Variants in DNAH12 observed in about 807,000 individuals in gnomAD.
The protein encoded by DNAH12 is axonemal beta dynein heavy chain 12.
DNAH12 carries 285 observed loss-of-function variants against 371.5 expected under a neutral mutation model. That is an observed-to-expected ratio of 0.77 (90% CI 0.70 to 0.85). DNAH12 has a LOEUF of 0.85. DNAH12 is among the 40% of genes least tolerant of loss of function. DNAH12 has a pLI of 0.00. For missense variants in DNAH12, 3,611 were observed against 3,689.4 expected (o/e 0.98, Z 0.55); for synonymous variants, 1,200 against 1,213.0 (o/e 0.99, Z 0.22).
At chr3:57,519,504 GA>G in intron 4 of DNAH12, among the ~76,000 whole-genome samples, 1 of 152,210 alleles carries the variant, frequency 6.6e-6, no homozygotes, top group Middle Eastern at 3.4e-3. Context: ...AAATAAAACT[GA>G]CAAAATGCTA....
rs1250890469 is a variant in DNAH12, at chr3:57,428,713, G to C, written c.5173C>G (p.Pro1725Ala). Reference protein sequence around the residue: ...LNSLKGPLCEPEYQALLRGLF... With the variant: ...LNSLKGPLCEAEYQALLRGLF... ...CCTCTCAGAAGAGCTTGATATTCTG[G>C]TTCACACAGAGGTCCTTTCAGTGAA... The change falls in exon 34 of 74, where the codon CCA becomes GCA. Residue 1725 changes from proline to alanine, a missense_variant. Physicochemically the swap from Pro to Ala is conservative, Grantham distance 27 (BLOSUM62 -1). This residue lies in a region of DNAH12 where 2,266 missense variants were observed against 2,236.9 expected (regional missense o/e 1.01). Coordinates refer to ENST00000495027, the MANE Select transcript of DNAH12 (RefSeq NM_001366028.2). The C allele has an allele frequency of 6.4e-7, 1 of 1,551,524 alleles. No homozygotes were observed. The highest frequency in any genetic ancestry group is 2.4e-5 in the East Asian group (1 of 40,908).
chr3:57,330,244 C>T (rs1227254420), intron 62 of DNAH12, among the ~76,000 whole-genome samples: 3 of 150,898 alleles, frequency 2.0e-5, no homozygotes, highest in South Asian at 2.1e-4. Flanking sequence ...AATCATGCTG[C>T]TATAAAGACA....
chr3:57,373,075 G>C (rs1309738348), intron 55 of DNAH12, among the ~76,000 whole-genome samples: 2 of 152,110 alleles, frequency 1.3e-5, no homozygotes, highest in Non-Finnish European at 2.9e-5. Flanking sequence ...AATGCAAAAA[G>C]AAGGAAGCAA....
At chr3:57,516,401 C>T (rs935286387) in intron 4 of DNAH12, among the ~76,000 whole-genome samples, 9 of 152,080 alleles carry the variant, frequency 5.9e-5, no homozygotes, top group Admixed American at 2.0e-4. Context: ...GTGATAGTCC[C>T]CAGTCCCTCA....
At chr3:57,420,632 G>A (rs1404521153) in intron 36 of DNAH12, among the ~76,000 whole-genome samples, 2 of 140,082 alleles carry the variant, frequency 1.4e-5, no homozygotes, top group African/African-American at 2.8e-5. Flanking sequence ...CTTGTGGGCC[G>A]GGCGCAGTGG....
At chr3:57,361,143 A>T (rs2062918374) in intron 58 of DNAH12, among the ~76,000 whole-genome samples, 1 of 151,908 alleles carries the variant, frequency 6.6e-6, no homozygotes, top group African/African-American at 2.4e-5. Flanking sequence ...TGAGATCAGG[A>T]GTTCAAGACC....
intron 36 of DNAH12, 129 bp downstream of exon 36, chr3:57,421,389 C>G (rs932618997): frequency 2.5e-5 from 19 of 749,222 alleles, no homozygotes; most frequent in Non-Finnish European, 4.1e-6. Flanking sequence ...GGAGGTGAAA[C>G]TAAAAGAAGG....
In DNAH12 at chr3:57,309,239, C is replaced by T. The variant is rs767037368; in HGVS notation, c.11101G>A (p.Asp3701Asn). 28 of 1,548,356 alleles carry T rather than the reference C, an allele frequency of 1.8e-5. No individual in the cohort carries two copies. Among genetic ancestry groups the T allele is most frequent in the East Asian group, 2.4e-5 (1 of 40,832 alleles). ...TACTTCCGTAGTGCCATTTCAATGTCGAAATCACTAGGGAGCTAAAAGAAT... is the reference window on the plus strand; with the variant it reads ...TACTTCCGTAGTGCCATTTCAATGTTGAAATCACTAGGGAGCTAAAAGAAT... ...DILNKLPSDF[D>N]IEMALRKYPV... Residue 3701 changes from aspartate (D) to asparagine (N), a missense_variant, in exon 69 of 74, where the codon GAC becomes AAC. By Grantham distance (23) the Asp-to-Asn change is conservative. This residue lies in a region of DNAH12 where 2,266 missense variants were observed against 2,236.9 expected (regional missense o/e 1.01). Transcript: ENST00000495027.
intron 25 of DNAH12, among the ~76,000 whole-genome samples, chr3:57,448,964 TC>T (rs1430898905): frequency 4.6e-5 from 5 of 108,236 alleles, no homozygotes; most frequent in Non-Finnish European, 5.7e-5. Context: ...ACATAAAGGT[TC>T]TCCAAGGCCC....
rs552873320 is a variant in DNAH12 at position 57,462,809 on chromosome 3, A to G, written c.2416T>C (p.Ser806Pro). The change falls in exon 18 of 74, where the codon TCA becomes CCA. Residue 806 changes from serine to proline, a missense_variant. Transcript: ENST00000495027. ...GMRARHWKQISEIVGYDLTPD... is the reference protein window; with the variant it reads ...GMRARHWKQIPEIVGYDLTPD... The stretch of plus-strand genomic sequence containing the variant: ...GTCAAGTCATAGCCTACAATTTCTG[A>G]TATCTGTTTCCAGTGACGAGCTCTC... 3.2e-6 allele frequency: 5 copies of G among 1,551,382 alleles called. No homozygotes were observed. Among genetic ancestry groups the G allele is most frequent in the East Asian group, 2.4e-5 (1 of 40,906 alleles).
At chr3:57,385,952 T>C (rs1404074432) in intron 47 of DNAH12, among the ~76,000 whole-genome samples, 1 of 152,050 alleles carries the variant, frequency 6.6e-6, no homozygotes, top group Non-Finnish European at 1.5e-5. Flanking sequence ...ATGGAAGAAA[T>C]GTAGATTGAA....
intron 69 of DNAH12, among the ~76,000 whole-genome samples, chr3:57,305,381 T>C (rs917400095): frequency 2.6e-5 from 4 of 151,954 alleles, no homozygotes; most frequent in Non-Finnish European, 5.9e-5. Flanking sequence ...AGGTCCCAAT[T>C]CTTCCTCAGC....
chr3:57,429,807 T>A (rs2064900861), intron 32 of DNAH12, 33 bp from the exon 33 acceptor site: 4 of 1,485,078 alleles, frequency 2.7e-6, no homozygotes, highest in Non-Finnish European at 3.6e-6. Flanking sequence ...TGTTTATTTT[T>A]TAAAATTTCA....
chr3:57,390,424 A>AAAAAAAAAAAAAAAAAAATATATATAT, intron 45 of DNAH12, among the ~76,000 whole-genome samples: 4 of 33,440 alleles, frequency 1.2e-4, no homozygotes, highest in Non-Finnish European at 2.8e-4. Context: ...AAAAAAAAAA[A>AAAAAAAAAAAAAAAAAAATATATATAT]ATATATATAT....
At chr3:57,463,053 A>G (rs1235717730) in intron 17 of DNAH12, among the ~76,000 whole-genome samples, 178 bp from the exon 18 acceptor site, 1 of 152,132 alleles carries the variant, frequency 6.6e-6, no homozygotes, top group East Asian at 1.9e-4. Context: ...AAGAAAATGA[A>G]CCTAAAGTTC....
intron 55 of DNAH12, among the ~76,000 whole-genome samples, chr3:57,371,173 ACAC>A: frequency 6.6e-6 from 1 of 152,320 alleles, no homozygotes; most frequent in South Asian, 2.1e-4. Context: ...AAGGCAACAC[ACAC>A]ACTGCAGCTG....
At chr3:57,472,421 C>G (rs1417297434) in intron 14 of DNAH12, 125 bp downstream of exon 14, 3 of 1,247,254 alleles carry the variant, frequency 2.4e-6, no homozygotes, top group Non-Finnish European at 1.1e-6. Context: ...TGTGGCCAGT[C>G]TCAAACTCAT....
chr3:57,469,278 A>G (rs753356390), intron 16 of DNAH12, among the ~76,000 whole-genome samples: 1 of 152,228 alleles, frequency 6.6e-6, no homozygotes, highest in Non-Finnish European at 1.5e-5. Context: ...ATGAGAGACC[A>G]TCTCCCATCA....
intron 25 of DNAH12, 90 bp downstream of exon 25, chr3:57,452,753 C>T (rs1302712436): frequency 8.4e-7 from 1 of 1,195,718 alleles, no homozygotes; most frequent in African/African-American, 1.6e-5. Context: ...TAATTGTATT[C>T]AACTACTCCA....
Sources: gnomAD v4.1 joint callset for allele counts (sites outside exome capture counted in the v4.1 genomes callset) on GRCh38, gnomAD v4.1.1 for gene constraint, gnomAD v4.1.1 regional missense constraint, MANE v1.5 for transcripts, NCBI Gene and HGNC (gene_info 2026-07-23, HGNC 2026-07-21) for gene names.